MAGI2: variants seen among roughly 807,000 people sequenced by gnomAD.
MAGI2 encodes membrane associated guanylate kinase, WW and PDZ domain containing 2, also known as membrane-associated guanylate kinase, WW and PDZ domain-containing protein 2.
In MAGI2, 35 loss-of-function variants were observed where a neutral mutation model predicts 133.3. The observed-to-expected ratio is 0.26, with a 90% CI of 0.20 to 0.35. The LOEUF is 0.35. MAGI2 is among the 10% of genes least tolerant of loss of function. MAGI2 has a pLI of 1.00. For missense variants in MAGI2, 1,636 were observed against 1,863.4 expected (o/e 0.88, Z 2.25); for synonymous variants, 729 against 710.6 (o/e 1.03, Z -0.41).
intron 2 of MAGI2, among the ~76,000 whole-genome samples, chr7:78,664,824 G>A (rs951576623): frequency 2.0e-5 from 3 of 151,878 alleles, no homozygotes; most frequent in African/African-American, 4.8e-5. Flanking sequence ...CTTTTTAAAA[G>A]CACTTTTATT....
chr7:78,453,451 A>G (rs1788945358), intron 6 of MAGI2, among the ~76,000 whole-genome samples: 2 of 152,196 alleles, frequency 1.3e-5, no homozygotes, highest in Admixed American at 1.3e-4. Flanking sequence ...GTATCTGTTC[A>G]TTTCTTTCTT....
intron 3 of MAGI2, among the ~76,000 whole-genome samples, chr7:78,540,483 A>G (rs1209529574): frequency 6.6e-6 from 1 of 152,164 alleles, no homozygotes; most frequent in Non-Finnish European, 1.5e-5. Context: ...CAGGGCTGAC[A>G]TCTTGCCCCA....
chr7:79,004,280 A>G (rs1807203680), intron 2 of MAGI2, among the ~76,000 whole-genome samples: 1 of 152,222 alleles, frequency 6.6e-6, no homozygotes, highest in African/African-American at 2.4e-5. Context: ...TCAACCATAA[A>G]AAAAATAAAA....
chr7:78,400,595 A>G (rs1331695198), intron 6 of MAGI2, among the ~76,000 whole-genome samples: 1 of 152,172 alleles, frequency 6.6e-6, no homozygotes, highest in Non-Finnish European at 1.5e-5. Flanking sequence ...GGTTCATGAA[A>G]GTGGTCTAGT....
chr7:78,045,765 C>T (rs1811354934), intron 21 of MAGI2, among the ~76,000 whole-genome samples: 1 of 152,176 alleles, frequency 6.6e-6, no homozygotes, highest in African/African-American at 2.4e-5. Context: ...TAGTAAAGAG[C>T]ATGCATGCAG....
At chr7:78,073,700 G>A (rs541818857) in intron 21 of MAGI2, among the ~76,000 whole-genome samples, 25 of 152,310 alleles carry the variant, frequency 1.6e-4, no homozygotes, top group East Asian at 3.9e-4. Flanking sequence ...GTGTATGTTC[G>A]TGTTGTACTC....
At chr7:78,620,970 T>A (rs540253416) in intron 3 of MAGI2, among the ~76,000 whole-genome samples, 2 of 151,960 alleles carry the variant, frequency 1.3e-5, no homozygotes, top group Non-Finnish European at 2.9e-5. Flanking sequence ...TAGTTAATGA[T>A]GACATTCAGA....
intron 2 of MAGI2, among the ~76,000 whole-genome samples, chr7:78,709,377 G>T (rs1196856897): frequency 6.6e-6 from 1 of 150,542 alleles, no homozygotes; most frequent in Non-Finnish European, 1.5e-5. Flanking sequence ...ATCTCTCTAA[G>T]GAAATGCCCT....
At chr7:78,116,288 C>G (rs1199121265) in intron 20 of MAGI2, among the ~76,000 whole-genome samples, 1 of 150,570 alleles carries the variant, frequency 6.6e-6, no homozygotes, top group Non-Finnish European at 1.5e-5. Flanking sequence ...ATTAAATCTA[C>G]AGCCTTAAAT....
chr7:79,205,301 C>T (rs1289671328), intron 1 of MAGI2, among the ~76,000 whole-genome samples: 1 of 151,948 alleles, frequency 6.6e-6, no homozygotes, highest in South Asian at 2.1e-4. Flanking sequence ...AGAAACCTCA[C>T]AGACCAGGAG....
chr7:78,097,657 T>C (rs56320555), intron 20 of MAGI2, among the ~76,000 whole-genome samples: 33,564 of 151,988 alleles, frequency 0.22, 3,962 homozygotes, highest in South Asian at 0.29. Context: ...CACTGGTGTC[T>C]ACTTGAGGGT....
chr7:79,241,682 T>TGAA (rs1263684843), intron 1 of MAGI2, among the ~76,000 whole-genome samples: 40 of 152,306 alleles, frequency 2.6e-4, no homozygotes, highest in African/African-American at 8.4e-4. Context: ...GGGAGGTGCC[T>TGAA]TTCATAGCAT....
intron 1 of MAGI2, among the ~76,000 whole-genome samples, chr7:79,149,308 A>C (rs1323972065): frequency 6.6e-6 from 1 of 151,632 alleles, no homozygotes; most frequent in African/African-American, 2.4e-5. Flanking sequence ...TTCACATGAC[A>C]GGTTTTCACG....
intron 16 of MAGI2, among the ~76,000 whole-genome samples, chr7:78,137,958 A>G (rs1822339067): frequency 6.6e-6 from 1 of 152,188 alleles, no homozygotes; most frequent in African/African-American, 2.4e-5. Context: ...ATGTATATAT[A>G]TGTTTAAAAA....
intron 1 of MAGI2, among the ~76,000 whole-genome samples, chr7:79,030,999 A>G (rs1443938178): frequency 2.0e-5 from 3 of 152,174 alleles, no homozygotes; most frequent in African/African-American, 7.2e-5. Context: ...CCATTCTTCT[A>G]TATTTTTATA....
intron 1 of MAGI2, among the ~76,000 whole-genome samples, chr7:79,194,937 G>T (rs1313706906): frequency 6.6e-6 from 1 of 151,860 alleles, no homozygotes; most frequent in Non-Finnish European, 1.5e-5. Context: ...TTAATAAAAT[G>T]AAGTTATTAT....
intron 1 of MAGI2, among the ~76,000 whole-genome samples, chr7:79,364,926 G>C (rs1272649927): frequency 6.6e-6 from 1 of 151,032 alleles, no homozygotes; most frequent in Non-Finnish European, 1.5e-5. Context: ...AAATACTTTT[G>C]CTCTGGTAAA....
At chr7:78,976,154 A>G (rs951948624) in intron 2 of MAGI2, among the ~76,000 whole-genome samples, 2 of 151,664 alleles carry the variant, frequency 1.3e-5, no homozygotes, top group African/African-American at 4.8e-5. Flanking sequence ...TCAATATCTC[A>G]TTAACATAGA....
intron 1 of MAGI2, among the ~76,000 whole-genome samples, chr7:79,367,293 T>G (rs1842763922): frequency 6.6e-6 from 1 of 152,242 alleles, no homozygotes; most frequent in South Asian, 2.1e-4. Context: ...ATTGGCCAAT[T>G]CTTCTAGAGG....
Sources: allele counts gnomAD v4.1 joint callset (sites outside exome capture counted in the v4.1 genomes callset), GRCh38; gene constraint gnomAD v4.1.1; transcripts MANE v1.5; gene names NCBI Gene and HGNC (gene_info 2026-07-23, HGNC 2026-07-21).